The following PIEZO2 variants were observed in gnomAD, a reference collection of about 807,000 sequenced individuals.
PIEZO2 encodes piezo-type mechanosensitive ion channel component 2.
PIEZO2 carries 172 observed loss-of-function variants against 337.3 expected under a neutral mutation model. The ratio of observed to expected loss-of-function variants is 0.51; its 90% CI spans 0.45 to 0.58. PIEZO2 has a LOEUF of 0.58. PIEZO2 is among the 20% of genes least tolerant of loss of function. PIEZO2 has a pLI of 0.00. For synonymous variants in PIEZO2, 1,251 were observed against 1,228.5 expected (o/e 1.02, Z -0.38); for missense variants, 3,028 against 3,391.3 (o/e 0.89, Z 2.66).
intron 36 of PIEZO2, among the ~76,000 whole-genome samples, chr18:10,720,234 G>GTGTGTGTATATATATATATATA (rs1225106343): frequency 2.5e-5 from 3 of 119,920 alleles, no homozygotes; most frequent in African/African-American, 1.0e-4. Context: ...GTGTGTGTGT[G>GTGTGTGTATATATATATATATA]TATATATATA....
At chr18:10,905,212 C>G (rs2043144837) in intron 4 of PIEZO2, among the ~76,000 whole-genome samples, 1 of 152,164 alleles carries the variant, frequency 6.6e-6, no homozygotes, top group Non-Finnish European at 1.5e-5. Context: ...ACAAATCTAA[C>G]ATAAGAACAG....
rs111932014 is a variant in PIEZO2, at chr18:11,144,581, T to C, written c.64+3944A>G. 1.7e-3 allele frequency among the ~76,000 whole-genome samples: 264 copies of C among 152,350 alleles called. 1 individual carries two copies. The highest frequency in any genetic ancestry group is 5.7e-3 in the African/African-American group (238 of 41,582). ...AGAGAAAATTATGATTAGATAGCCA[T>C]ATCTAATATATTTCAAAAATGAGCC... On this transcript the variant is annotated intron_variant, in intron 1 of 55. Coordinates refer to ENST00000674853, the MANE Select transcript of PIEZO2 (RefSeq NM_001378183.1).
intron 1 of PIEZO2, among the ~76,000 whole-genome samples, chr18:11,141,212 C>G (rs1040768490): frequency 6.6e-6 from 1 of 152,178 alleles, no homozygotes; most frequent in Non-Finnish European, 1.5e-5. Context: ...GGCCTTCTAT[C>G]AACTGGAGAA....
rs942828659 is a variant in PIEZO2 at position 11,047,667 on chromosome 18, G to A, written c.160+18460C>T. Among the ~76,000 whole-genome samples, 4 of 152,146 alleles carry A rather than the reference G, an allele frequency of 2.6e-5. No homozygotes were observed. Among genetic ancestry groups the A allele is most frequent in the African/African-American group, 7.2e-5 (3 of 41,426 alleles). Reference sequence around the variant, plus strand: ...GTCTTGGTCCTAAGGAGGAGGGCACGGGGGGAATCTGGGGAGAGCACTACA... The same window carrying A: ...GTCTTGGTCCTAAGGAGGAGGGCACAGGGGGAATCTGGGGAGAGCACTACA... On this transcript the variant is annotated intron_variant, in intron 2 of 55. Coordinates refer to ENST00000674853, the MANE Select transcript of PIEZO2 (RefSeq NM_001378183.1). This position sits in a 1 kb window ranked among gnomAD's most constrained non-coding sequence, Gnocchi z 7.2.
At chr18:11,052,914 C>T (rs937452547) in intron 2 of PIEZO2, among the ~76,000 whole-genome samples, 10 of 152,116 alleles carry the variant, frequency 6.6e-5, no homozygotes, top group Non-Finnish European at 1.2e-4. Context: ...ATGTATCAGC[C>T]AACAAGTATT....
At position 11,070,427 on chromosome 18, in the gene PIEZO2, A is replaced by G. The variant is rs950247075; in HGVS notation, c.65-4205T>C. Reference sequence around the variant, plus strand: ...AAAAATGAACTCTCTGAAGGAAAGAACACTAAAGAGAGGCACGAAGGAGGC... The same window carrying G: ...AAAAATGAACTCTCTGAAGGAAAGAGCACTAAAGAGAGGCACGAAGGAGGC... On this transcript the variant is annotated intron_variant, in intron 1 of 55. Coordinates refer to ENST00000674853, the MANE Select transcript of PIEZO2 (RefSeq NM_001378183.1). The surrounding 1 kb of genome is among the most constrained non-coding windows in gnomAD (Gnocchi z 4.3). Among the ~76,000 whole-genome samples the G allele has an allele frequency of 1.1e-4, 16 of 152,184 alleles. No homozygotes were observed. Among genetic ancestry groups the G allele is most frequent in the African/African-American group, 3.6e-4 (15 of 41,446 alleles).
At chr18:11,015,353 G>A (rs1193760739) in intron 2 of PIEZO2, among the ~76,000 whole-genome samples, 2 of 152,260 alleles carry the variant, frequency 1.3e-5, no homozygotes, top group South Asian at 2.1e-4. Context: ...CACCCTGGCT[G>A]GCTCTTCCTT....
At chr18:10,835,122 C>T (rs576561195) in intron 7 of PIEZO2, among the ~76,000 whole-genome samples, 2 of 152,226 alleles carry the variant, frequency 1.3e-5, no homozygotes, top group Admixed American at 6.5e-5. Flanking sequence ...TGCCAGGCAC[C>T]GACTCTGTTG....
chr18:10,956,552 AC>A (rs1195536836), intron 3 of PIEZO2, among the ~76,000 whole-genome samples: 2 of 152,248 alleles, frequency 1.3e-5, no homozygotes, highest in African/African-American at 4.8e-5. Flanking sequence ...GTATGGAGCA[AC>A]AAAAGACCCC....
At position 10,882,837 on chromosome 18, in the gene PIEZO2, TTTTTC is replaced by T. The variant is rs1167753935; in HGVS notation, c.330-11427_330-11423del. Reference sequence around the variant, plus strand: ...TTGTGCATATGTACCACATTTTCTTTTTTTCTTTTTTTTTTTTTTTGAGATGGAGT... The same window carrying T: ...TTGTGCATATGTACCACATTTTCTTTTTTTTTTTTTTTTTTGAGATGGAGT... On this transcript the variant is annotated intron_variant, in intron 4 of 55. Coordinates refer to ENST00000674853, the MANE Select transcript of PIEZO2 (RefSeq NM_001378183.1). 8.2e-5 allele frequency among the ~76,000 whole-genome samples: 9 copies of T among 110,380 alleles called. No homozygotes were observed. The South Asian group carries it at 2.3e-3, about 28-fold the overall frequency. 72.4% of individuals were successfully genotyped at this position (110,380 alleles called of 152,430 possible).
chr18:10,920,732 G>A (rs2031335583), intron 3 of PIEZO2, among the ~76,000 whole-genome samples: 1 of 152,128 alleles, frequency 6.6e-6, no homozygotes, highest in African/African-American at 2.4e-5. Flanking sequence ...CAAGAAAGAG[G>A]AACTACTTAA....
At position 10,752,861 on chromosome 18, in the gene PIEZO2, G is replaced by A; in HGVS notation, c.3942C>T (p.Ser1314=). The change falls in exon 28 of 56, where the codon TCC becomes TCT. Residue 1314 remains serine (S), a synonymous_variant. Coordinates refer to ENST00000674853, the MANE Select transcript of PIEZO2 (RefSeq NM_001378183.1). ...AGAGGTAGCTGAAGATGATCACTTT[G>A]GACATGTCTAAGTAAGATCTGGAAA... ...FIHCRSYLDM[S]KVIIFSYLFW... is the part of the protein sequence containing the mutation. 1 of 1,536,480 alleles carries A rather than the reference G, an allele frequency of 6.5e-7. No individual in the cohort carries two copies. The highest frequency in any genetic ancestry group is 8.7e-7 in the Non-Finnish European group (1 of 1,146,504).
Position 11,043,243 on chromosome 18 carries a change from G to GCA in PIEZO2, c.160+22882_160+22883dup, listed in dbSNP as rs34125787. Reference sequence around the variant, plus strand: ...GAGGAAATATCTCCTCCCTTTAAACGCACACACACACACACACACACACAC... The same window carrying GCA: ...GAGGAAATATCTCCTCCCTTTAAACGCACACACACACACACACACACACACAC... On this transcript the variant is annotated intron_variant, in intron 2 of 55. Transcript: ENST00000674853. Among the ~76,000 whole-genome samples, 411 of 149,320 alleles carry GCA rather than the reference G, an allele frequency of 2.8e-3. 2 individuals are homozygous for GCA. The highest frequency in any genetic ancestry group is 8.9e-3 in the African/African-American group (356 of 40,058).
intron 27 of PIEZO2, among the ~76,000 whole-genome samples, chr18:10,757,697 G>C (rs1278038849): frequency 6.6e-6 from 1 of 151,836 alleles, no homozygotes; most frequent in Non-Finnish European, 1.5e-5. Context: ...CTGGAGAGCT[G>C]GTATTACTGG....
chr18:10,957,296 C>T (rs570110160), intron 3 of PIEZO2, among the ~76,000 whole-genome samples: 1 of 151,896 alleles, frequency 6.6e-6, no homozygotes, highest in Admixed American at 6.6e-5. Flanking sequence ...ACTTGGGGGG[C>T]TGAGGTAAGA....
intron 1 of PIEZO2, among the ~76,000 whole-genome samples, chr18:11,137,705 G>A (rs2040529731): frequency 6.6e-6 from 1 of 152,136 alleles, no homozygotes; most frequent in Non-Finnish European, 1.5e-5. Flanking sequence ...AGCAGGGACG[G>A]CCCAACTCTG....
At chr18:10,717,468 C>T (rs1369318449) in intron 37 of PIEZO2, among the ~76,000 whole-genome samples, 1 of 152,216 alleles carries the variant, frequency 6.6e-6, no homozygotes, top group Non-Finnish European at 1.5e-5. Context: ...GATAGATAAC[C>T]ACAAAGGCGC....
At chr18:10,704,356 G>T (rs755881180) in intron 42 of PIEZO2, 38 bp downstream of exon 42, 7 of 1,531,364 alleles carry the variant, frequency 4.6e-6, no homozygotes, top group Admixed American at 2.0e-5. Context: ...TTGCATAGCC[G>T]CCTGAAGCCA....
intron 1 of PIEZO2, among the ~76,000 whole-genome samples, chr18:11,145,734 T>A (rs1197558135): frequency 1.3e-5 from 2 of 152,204 alleles, no homozygotes; most frequent in Middle Eastern, 3.2e-3. Flanking sequence ...TAAGGTGGCA[T>A]ATCTGCTCAG....
Sources: allele counts gnomAD v4.1 joint callset (sites outside exome capture counted in the v4.1 genomes callset), GRCh38; gene constraint gnomAD v4.1.1; non-coding constraint Gnocchi (gnomAD v3.1); transcripts MANE v1.5; gene names NCBI Gene and HGNC (gene_info 2026-07-23, HGNC 2026-07-21).